Variants in RYR2 observed in about 807,000 individuals in gnomAD.
RYR2 encodes ryanodine receptor 2.
RYR2 carries 227 observed loss-of-function variants against 601.1 expected under a neutral mutation model. The ratio of observed to expected loss-of-function variants is 0.38; its 90% confidence interval spans 0.34 to 0.42. The LOEUF is 0.42. Among genes scored for constraint, RYR2 ranks in the 10% least tolerant of loss-of-function variants. The pLI, the probability that RYR2 is intolerant of heterozygous loss-of-function variation, is 1.00. For synonymous variants in RYR2, 2,223 were observed against 2,175.1 expected (o/e 1.02, Z -0.61); for missense variants, 4,646 against 6,156.5 (o/e 0.75, Z 8.21).
intron 16 of RYR2, among the ~76,000 whole-genome samples, chr1:237,459,860 G>C (rs1444958892): frequency 6.6e-6 from 1 of 152,186 alleles, no homozygotes; most frequent in East Asian, 1.9e-4. Context: ...AACATGGCTA[G>C]AAGTGTGATT....
rs1229228410 is a variant in RYR2, at chr1:237,406,290, C to G, written c.774-10759C>G. Among the ~76,000 whole-genome samples, 4 of 146,240 alleles carry G rather than the reference C, an allele frequency of 2.7e-5. No homozygotes were observed. In the East Asian group the frequency reaches 8.2e-4, roughly 30 times the overall value. On this transcript the variant is annotated intron_variant, in intron 10 of 104. Transcript: ENST00000366574. ...ACTACCTAGGCTAGTTTTTGGTGTT[C>G]GTGTCTTTCTTACCATGTCAAACTG... is the stretch of plus-strand genomic sequence containing the variant.
rs539556513 is a variant in RYR2, at chr1:237,787,728, T to C, written c.13329-260T>C. On this transcript the variant is annotated intron_variant, in intron 91 of 104. Coordinates refer to ENST00000366574, the MANE Select transcript of RYR2 (RefSeq NM_001035.3). ...TTGCAGAATTGGAAGGAATCTGCTA[T>C]GCATAAAGATTCTTCAAGCCTATAA... 3.4e-4 allele frequency among the ~76,000 whole-genome samples: 51 copies of C among 152,204 alleles called. No individual in the cohort carries two copies. In the South Asian group the frequency reaches 9.8e-3, roughly 29 times the overall value.
At chr1:237,793,583 A>G (rs1187720872) in intron 94 of RYR2, among the ~76,000 whole-genome samples, 2 of 152,180 alleles carry the variant, frequency 1.3e-5, no homozygotes, top group African/African-American at 4.8e-5. Flanking sequence ...TCATCTTTTC[A>G]TCTTTGAAGT....
Position 237,051,216 on chromosome 1 carries a change from T to TC in RYR2, c.48+8655dup, listed in dbSNP as rs1265471126. The stretch of plus-strand genomic sequence containing the variant: ...TCCCTTCCCTCCCTTTCCCTTTCTC[T>TC]CCCCCCCCTTCCTCCCCTTTCCCTC... On this transcript the variant is annotated intron_variant, in intron 1 of 104. Transcript: ENST00000366574. 2.5e-3 allele frequency among the ~76,000 whole-genome samples: 195 copies of TC among 77,076 alleles called. 1 individual carries two copies. Among genetic ancestry groups the TC allele is most frequent in the African/African-American group, 9.6e-3 (174 of 18,100 alleles). 50.6% of individuals were successfully genotyped at this position (77,076 alleles called of 152,430 possible). A position where few individuals can be genotyped will look rare whatever the true frequency, so the allele number is the denominator to read the frequency against.
chr1:237,412,262 G>T (rs537926281), intron 10 of RYR2, among the ~76,000 whole-genome samples: 1 of 152,172 alleles, frequency 6.6e-6, no homozygotes, highest in South Asian at 2.1e-4. Flanking sequence ...GGAATTGATG[G>T]TTTACTGGGA....
intron 2 of RYR2, among the ~76,000 whole-genome samples, chr1:237,318,952 T>A (rs1695360714): frequency 6.6e-6 from 1 of 152,150 alleles, no homozygotes; most frequent in East Asian, 1.9e-4. Flanking sequence ...ACACGTATAT[T>A]GATGTACTTG....
chr1:237,719,613 C>T (rs890036030), intron 73 of RYR2, among the ~76,000 whole-genome samples: 19 of 152,126 alleles, frequency 1.2e-4, no homozygotes, highest in Admixed American at 2.0e-4. Flanking sequence ...GGGGATGCTG[C>T]GAAGCCACTT....
intron 10 of RYR2, among the ~76,000 whole-genome samples, chr1:237,413,380 A>T (rs985718419): frequency 6.6e-6 from 1 of 152,192 alleles, no homozygotes; most frequent in Non-Finnish European, 1.5e-5. Context: ...GTAAAATTTT[A>T]ATAAAAATAC....
At chr1:237,268,317 T>G (rs1689269781) in intron 1 of RYR2, among the ~76,000 whole-genome samples, 1 of 152,192 alleles carries the variant, frequency 6.6e-6, no homozygotes, top group Non-Finnish European at 1.5e-5. Flanking sequence ...GATAAGGCAT[T>G]GAACACACCA....
At chr1:237,382,028 A>G (rs1055547604) in intron 8 of RYR2, among the ~76,000 whole-genome samples, 6 of 152,244 alleles carry the variant, frequency 3.9e-5, no homozygotes, top group Non-Finnish European at 8.8e-5. Context: ...TTACTGACTG[A>G]ATTTATTTCA....
chr1:237,352,874 G>A (rs975903251), intron 3 of RYR2: 2 of 515,220 alleles, frequency 3.9e-6, no homozygotes, highest in African/African-American at 1.9e-5. Flanking sequence ...ACAAGGGTGG[G>A]TGAGGAGACA....
chr1:237,677,926 C>T, intron 60 of RYR2, 122 bp from the exon 61 acceptor site: 2 of 648,844 alleles, frequency 3.1e-6, no homozygotes, highest in Admixed American at 2.8e-5. Context: ...TTTTGGTTGG[C>T]TTTTTACATT....
chr1:237,706,813 G>A, intron 67 of RYR2, 136 bp from the exon 68 acceptor site: 1 of 693,838 alleles, frequency 1.4e-6, no homozygotes, highest in Non-Finnish European at 2.5e-6. Flanking sequence ...TGAAACACAG[G>A]AGAAGGAGCC....
intron 44 of RYR2, among the ~76,000 whole-genome samples, chr1:237,637,103 G>A (rs766304252): frequency 6.6e-6 from 1 of 152,136 alleles, no homozygotes; most frequent in African/African-American, 2.4e-5. Context: ...CTTGATTATG[G>A]TGTGTTCTCA....
At chr1:237,189,255 G>A (rs140434151) in intron 1 of RYR2, among the ~76,000 whole-genome samples, 1 of 152,268 alleles carries the variant, frequency 6.6e-6, no homozygotes, top group Non-Finnish European at 1.5e-5. Flanking sequence ...ATGTCACGTT[G>A]TGTATATATT....
chr1:237,406,512 A>G (rs1353176576), intron 10 of RYR2, among the ~76,000 whole-genome samples: 1 of 151,922 alleles, frequency 6.6e-6, no homozygotes, highest in African/African-American at 2.4e-5. Flanking sequence ...CAACATTTAC[A>G]CATACACATT....
intron 29 of RYR2, among the ~76,000 whole-genome samples, chr1:237,579,405 C>T (rs938482663): frequency 7.9e-5 from 12 of 151,694 alleles, no homozygotes; most frequent in South Asian, 4.2e-4. Flanking sequence ...TACAGGCATG[C>T]GCCACCATGC....
chr1:237,364,345 T>C lies in RYR2; in HGVS notation c.295-13T>C. 2 of 1,576,170 alleles carry C rather than the reference T, an allele frequency of 1.3e-6. No individual in the cohort carries two copies. Among genetic ancestry groups the C allele is most frequent in the Non-Finnish European group, 1.7e-6 (2 of 1,156,854 alleles). On this transcript the variant is annotated splice_polypyrimidine_tract_variant and intron_variant, in intron 4 of 104. Transcript: ENST00000366574. The stretch of plus-strand genomic sequence containing the variant: ...TATTTAATGTTTCCTCTCTTTTCCT[T>C]ATGCCCCTACAGAAATTCATGATGA...
At position 237,058,169 on chromosome 1, in the gene RYR2, C is replaced by G. The variant is rs144948129; in HGVS notation, c.48+15600C>G. Among the ~76,000 whole-genome samples, 5 of 152,192 alleles carry G rather than the reference C, an allele frequency of 3.3e-5. No homozygotes were observed. The East Asian group carries it at 9.6e-4, about 29-fold the overall frequency. The stretch of plus-strand genomic sequence containing the variant: ...GGGCTTATATAGGTAATTATGTATA[C>G]TATTAAGCAAATAGTCAGTCTAGGG... On this transcript the variant is annotated intron_variant, in intron 1 of 104. Coordinates refer to ENST00000366574, the MANE Select transcript of RYR2 (RefSeq NM_001035.3).
Sources: allele counts gnomAD v4.1 joint callset (sites outside exome capture counted in the v4.1 genomes callset), GRCh38; gene constraint gnomAD v4.1.1; transcripts MANE v1.5; gene names NCBI Gene and HGNC (gene_info 2026-07-23, HGNC 2026-07-21).